ANLN: variants seen among roughly 807,000 people sequenced by gnomAD.
The protein encoded by ANLN is anillin.
Under a neutral mutation model 135.1 loss-of-function variants are expected in ANLN, and 59 were observed. The observed-to-expected ratio is 0.44, with a 90% confidence interval of 0.35 to 0.54. ANLN has a LOEUF of 0.54. Among genes scored for constraint, ANLN ranks in the 20% least tolerant of loss-of-function variants. The pLI is 0.00. For synonymous variants in ANLN, 406 were observed against 456.4 expected (o/e 0.89, Z 1.41); for missense variants, 1,182 against 1,340.0 (o/e 0.88, Z 1.84).
intron 18 of ANLN, 95 bp downstream of exon 18, chr7:36,425,835 CTG>C: frequency 7.4e-7 from 1 of 1,352,366 alleles, no homozygotes; most frequent in African/African-American, 1.5e-5. Context: ...ACCTTGAGCA[CTG>C]TGGAAAATTT....
intron 20 of ANLN, among the ~76,000 whole-genome samples, chr7:36,428,045 C>G (rs946995380): frequency 6.6e-6 from 1 of 152,074 alleles, no homozygotes; most frequent in Non-Finnish European, 1.5e-5. Flanking sequence ...GCAAAGTCAC[C>G]TCATCTCTCT....
rs923512260 is a variant in ANLN at position 36,406,489 on chromosome 7, G to A, written c.796G>A (p.Asp266Asn). The A allele has an allele frequency of 8.2e-6, 13 of 1,593,846 alleles. No homozygotes were observed. The highest frequency in any genetic ancestry group is 3.4e-4 in the Middle Eastern group (2 of 5,964). ...EATFCSQRDG[D>N]ASLNKALSSS... ...TACATTCTGTTCCCAAAGGGATGGC[G>A]ATGCCTCTTTGAATAAAGCCCTATC... Residue 266 changes from aspartate (D) to asparagine (N), a missense_variant, in exon 4 of 24, where the codon GAT becomes AAT. Physicochemically the swap from Asp to Asn is conservative, Grantham distance 23. This residue lies in a region of ANLN where 1,022 missense variants were observed against 1,134.0 expected (regional missense o/e 0.90). Transcript: ENST00000265748.
intron 20 of ANLN, among the ~76,000 whole-genome samples, chr7:36,432,383 T>C (rs1788368260): frequency 6.6e-6 from 1 of 152,242 alleles, no homozygotes; most frequent in Non-Finnish European, 1.5e-5. Context: ...TTTCTAAAAT[T>C]ATCAAACCAT....
chr7:36,409,296 A>T (rs1787315510), intron 5 of ANLN, among the ~76,000 whole-genome samples: 1 of 152,258 alleles, frequency 6.6e-6, no homozygotes, highest in African/African-American at 2.4e-5. Context: ...GGCCTGAAGT[A>T]GTAATAAGTG....
chr7:36,443,141 C>A (rs1788846365), intron 21 of ANLN, among the ~76,000 whole-genome samples: 1 of 152,208 alleles, frequency 6.6e-6, no homozygotes, highest in Non-Finnish European at 1.5e-5. Flanking sequence ...GCCTTGCCTA[C>A]CTTTAGCATA....
At chr7:36,406,128 G>A (rs184195700) in intron 3 of ANLN, 53 bp from the exon 4 acceptor site, 22 of 1,506,454 alleles carry the variant, frequency 1.5e-5, no homozygotes, top group East Asian at 1.4e-4. Flanking sequence ...GGTATTATAC[G>A]TAAGCATTAC....
chr7:36,397,336 G>A (rs376166895), intron 2 of ANLN, among the ~76,000 whole-genome samples: 1 of 152,124 alleles, frequency 6.6e-6, no homozygotes, highest in Non-Finnish European at 1.5e-5. Flanking sequence ...CAGGATCTTC[G>A]TTTTCACTGT....
In ANLN at chr7:36,422,787, C is replaced by T. The variant is rs926099324; in HGVS notation, c.2454C>T (p.Val818=). The T allele has an allele frequency of 6.2e-7, 1 of 1,608,546 alleles. No individual in the cohort carries two copies. Among genetic ancestry groups the T allele is most frequent in the African/African-American group, 1.3e-5 (1 of 74,630 alleles). ...EIRLPLKADF[V]CSTVQKPDAA... is the part of the protein sequence containing the mutation. ...GCTTGCCTCTAAAAGCAGATTTTGT[C>T]TGCAGTACGGTTCAGAAACCAGGTA... The change falls in exon 14 of 24, where the codon GTC becomes GTT. Residue 818 remains valine (V), a synonymous_variant. Transcript: ENST00000265748.
intron 7 of ANLN, among the ~76,000 whole-genome samples, chr7:36,415,159 A>C (rs1174874751): frequency 6.6e-6 from 1 of 152,210 alleles, no homozygotes; most frequent in Non-Finnish European, 1.5e-5. Context: ...GTTCCTCTTA[A>C]ATAACCTTGC....
At chr7:36,409,880 C>T (rs1490005926) in intron 5 of ANLN, among the ~76,000 whole-genome samples, 5 of 152,032 alleles carry the variant, frequency 3.3e-5, no homozygotes, top group African/African-American at 7.2e-5. Context: ...CCATGTTGCC[C>T]GGGCTGGTCT....
intron 10 of ANLN, among the ~76,000 whole-genome samples, 175 bp downstream of exon 10, chr7:36,419,654 C>T (rs1787790958): frequency 6.6e-6 from 1 of 152,160 alleles, no homozygotes; most frequent in African/African-American, 2.4e-5. Flanking sequence ...TTCCTTTTGA[C>T]CTTAGATGAA....
intron 23 of ANLN, among the ~76,000 whole-genome samples, chr7:36,450,233 C>T (rs1789189403): frequency 1.3e-5 from 2 of 152,172 alleles, no homozygotes; most frequent in African/African-American, 2.4e-5. Context: ...CAGAAACAAT[C>T]TCATTCTATT....
Position 36,427,773 on chromosome 7 carries a change from C to G in ANLN, c.2883+745C>G, listed in dbSNP as rs10237030. 5.9e-3 allele frequency among the ~76,000 whole-genome samples: 894 copies of G among 152,328 alleles called. 6 individuals are homozygous for G. The highest frequency in any genetic ancestry group is 0.021 in the African/African-American group (862 of 41,580). On this transcript the variant is annotated intron_variant, in intron 20 of 23. Transcript: ENST00000265748. ...TTACGAATCTAAGAGATTTCCTTCT[C>G]ATACTTCCCTTTCATATTAGAAGCT... is the stretch of plus-strand genomic sequence containing the variant.
chr7:36,422,509 A>C, intron 13 of ANLN, 124 bp from the exon 14 acceptor site: 1 of 788,198 alleles, frequency 1.3e-6, no homozygotes, highest in Non-Finnish European at 1.9e-6. Context: ...TTTTATAAAG[A>C]TAGTGTTACT....
At chr7:36,421,767 T>C in intron 12 of ANLN, 90 bp from the exon 13 acceptor site, 2 of 1,236,576 alleles carry the variant, frequency 1.6e-6, no homozygotes, top group East Asian at 2.5e-5. Context: ...TTCTAGAAAC[T>C]ATCCAATCAA....
chr7:36,399,973 G>A lies in ANLN; in HGVS notation c.487+580G>A, dbSNP rs187951788. On this transcript the variant is annotated intron_variant, in intron 3 of 23. Transcript: ENST00000265748. ...TATGGTATGATCAATTTCACTTATC[G>A]CCTGCCTTGTTACAAAAAAAAAAAG... 3.8e-3 allele frequency among the ~76,000 whole-genome samples: 575 copies of A among 151,324 alleles called. 3 individuals carry two copies. Among genetic ancestry groups the A allele is most frequent in the Non-Finnish European group, 5.4e-3 (367 of 67,874 alleles).
chr7:36,452,737 G>A lies in ANLN; in HGVS notation c.*137G>A. ...GCCAATATTCACTACGTATTATGCAGTATTTATATCTTTTGTATGTAAAAC... is the reference window on the plus strand; with the variant it reads ...GCCAATATTCACTACGTATTATGCAATATTTATATCTTTTGTATGTAAAAC... On this transcript the variant is annotated 3_prime_UTR_variant, in exon 24 of 24. Coordinates refer to ENST00000265748, the MANE Select transcript of ANLN (RefSeq NM_018685.5). 1.1e-6 allele frequency: 1 copy of A among 925,824 alleles called. No homozygotes were observed. The highest frequency in any genetic ancestry group is 2.5e-5 in the East Asian group (1 of 39,848). 57.4% of individuals were successfully genotyped at this position (925,824 alleles called of 1,614,324 possible). A position where few individuals can be genotyped will look rare whatever the true frequency, so the allele number is the denominator to read the frequency against.
intron 12 of ANLN, 138 bp downstream of exon 12, chr7:36,420,882 A>G: frequency 1.3e-6 from 1 of 761,820 alleles, no homozygotes; most frequent in Non-Finnish European, 2.0e-6. Context: ...AAGCTCAGTA[A>G]ATCACATTTG....
chr7:36,452,622 C>T lies in ANLN; in HGVS notation c.*22C>T. On this transcript the variant is annotated 3_prime_UTR_variant, in exon 24 of 24. Coordinates refer to ENST00000265748, the MANE Select transcript of ANLN (RefSeq NM_018685.5). ...TTAAACCGGGAAATTTCCATGCTAT[C>T]TAGAGGTTTTTGATGTCATCTTAAG... 6.2e-7 allele frequency: 1 copy of T among 1,611,244 alleles called. No homozygotes were observed. Among genetic ancestry groups the T allele is most frequent in the African/African-American group, 1.3e-5 (1 of 74,960 alleles).
Sources: gnomAD v4.1 joint callset for allele counts (sites outside exome capture counted in the v4.1 genomes callset) on GRCh38, gnomAD v4.1.1 for gene constraint, gnomAD v4.1.1 regional missense constraint, MANE v1.5 for transcripts, NCBI Gene and HGNC (gene_info 2026-07-23, HGNC 2026-07-21) for gene names.